Variants in GABRP observed in about 807,000 individuals in gnomAD.
The protein encoded by GABRP is gamma-aminobutyric acid type A receptor subunit pi.
A neutral mutation model predicts 47.8 loss-of-function variants in GABRP; 52 were observed. That is an observed-to-expected ratio of 1.09 (90% CI 0.87 to 1.37). The LOEUF is 1.37. Ranked by LOEUF, GABRP falls within the 40% of genes most tolerant of loss-of-function variation. The pLI, the probability that GABRP is intolerant of heterozygous loss-of-function variation, is 0.00. For missense variants in GABRP, 525 were observed against 542.8 expected (o/e 0.97, Z 0.33); for synonymous variants, 221 against 205.8 (o/e 1.07, Z -0.63).
intron 3 of GABRP, among the ~76,000 whole-genome samples, chr5:170,790,974 C>G (rs190947682): frequency 6.6e-6 from 1 of 152,212 alleles, no homozygotes; most frequent in African/African-American, 2.4e-5. Flanking sequence ...CATTAAAGAA[C>G]CTAAAGAGGC....
chr5:170,790,623 G>C (rs560676600), intron 3 of GABRP, among the ~76,000 whole-genome samples: 1 of 152,070 alleles, frequency 6.6e-6, no homozygotes, highest in Non-Finnish European at 1.5e-5. Context: ...TCTGGCCTCA[G>C]GGAAGGAGAG....
chr5:170,789,460 C>G (rs1012025802), intron 3 of GABRP, among the ~76,000 whole-genome samples: 3 of 152,188 alleles, frequency 2.0e-5, no homozygotes, highest in African/African-American at 7.2e-5. Context: ...AAGGAATGCT[C>G]CTTCTCACTG....
chr5:170,800,928 A>C (rs1273414698), intron 6 of GABRP, among the ~76,000 whole-genome samples: 3 of 152,248 alleles, frequency 2.0e-5, no homozygotes, highest in Non-Finnish European at 4.4e-5. Context: ...CCTGGGCAAC[A>C]AGAACAAGAC....
At chr5:170,808,527 G>A in intron 7 of GABRP, 73 bp from the exon 8 acceptor site, 1 of 1,296,242 alleles carries the variant, frequency 7.7e-7, no homozygotes, top group Admixed American at 1.8e-5. Flanking sequence ...TGTACATATA[G>A]TTAAGCATCC....
At chr5:170,809,138 C>T (rs911663459) in intron 8 of GABRP, among the ~76,000 whole-genome samples, 1 of 152,028 alleles carries the variant, frequency 6.6e-6, no homozygotes, top group Non-Finnish European at 1.5e-5. Flanking sequence ...GGTTTCACCA[C>T]GTTGCCCAGG....
chr5:170,804,190 A>G (rs201730442), intron 6 of GABRP, among the ~76,000 whole-genome samples: 1 of 6,594 alleles, frequency 1.5e-4, no homozygotes, highest in Non-Finnish European at 2.3e-4. Flanking sequence ...GTATGCATAT[A>G]TATATATATA....
chr5:170,810,444 G>T (rs527663974), intron 9 of GABRP, among the ~76,000 whole-genome samples: 1 of 152,014 alleles, frequency 6.6e-6, no homozygotes, highest in Non-Finnish European at 1.5e-5. Flanking sequence ...GAGACTTACC[G>T]CAGGGGATAT....
intron 6 of GABRP, among the ~76,000 whole-genome samples, chr5:170,798,158 C>T (rs1170246420): frequency 2.0e-5 from 3 of 152,236 alleles, no homozygotes; most frequent in Non-Finnish European, 2.9e-5. Context: ...TCTCCTGCCT[C>T]AGCCTCCCAA....
intron 7 of GABRP, among the ~76,000 whole-genome samples, chr5:170,807,770 G>GT: frequency 6.6e-6 from 1 of 152,104 alleles, no homozygotes; most frequent in East Asian, 1.9e-4. Context: ...TATGTCTGTT[G>GT]TTTTTTTAAT....
intron 6 of GABRP, among the ~76,000 whole-genome samples, chr5:170,800,072 T>C (rs1278264535): frequency 6.6e-6 from 1 of 152,174 alleles, no homozygotes; most frequent in Non-Finnish European, 1.5e-5. Context: ...GGAGGCATCA[T>C]GCTACCTGAC....
At chr5:170,806,764 T>G (rs759290128) in intron 7 of GABRP, among the ~76,000 whole-genome samples, 16 of 152,092 alleles carry the variant, frequency 1.1e-4, no homozygotes, top group African/African-American at 1.9e-4. Flanking sequence ...TAGTTGAGCC[T>G]AGGTGACATT....
intron 7 of GABRP, 72 bp from the exon 8 acceptor site, chr5:170,808,528 T>C (rs1277825480): frequency 7.6e-7 from 1 of 1,321,894 alleles, no homozygotes; most frequent in Non-Finnish European, 1.1e-6. Flanking sequence ...GTACATATAG[T>C]TAAGCATCCC....
At position 170,789,189 on chromosome 5, in the gene GABRP, G is replaced by A; in HGVS notation, c.114G>A (p.Leu38=). ...VEVGRSDKLS[L]PGFENLTAGY... is the part of the protein sequence containing the mutation. ...TCGGCAGAAGTGACAAGCTTTCCCTGCCTGGCTTTGAGAACCTCACAGCAG... is the reference window on the plus strand; with the variant it reads ...TCGGCAGAAGTGACAAGCTTTCCCTACCTGGCTTTGAGAACCTCACAGCAG... Residue 38 remains leucine, a synonymous_variant, in exon 3 of 10, where the codon CTG becomes CTA. Transcript: ENST00000265294. 6.2e-7 allele frequency: 1 copy of A among 1,614,180 alleles called. No homozygotes were observed. Among genetic ancestry groups the A allele is most frequent in the East Asian group, 2.2e-5 (1 of 44,878 alleles).
At chr5:170,798,954 ACCCTTCCTGTGTTC>A (rs1157118900) in intron 6 of GABRP, among the ~76,000 whole-genome samples, 1 of 59,726 alleles carries the variant, frequency 1.7e-5, no homozygotes, top group Non-Finnish European at 3.2e-5. Flanking sequence ...CCCTCCCCAC[ACCCTTCCTGTGTTC>A]CCCTTCCTGT....
intron 8 of GABRP, 130 bp downstream of exon 8, chr5:170,808,882 C>A: frequency 1.3e-6 from 1 of 764,036 alleles, no homozygotes; most frequent in Non-Finnish European, 2.1e-6. Flanking sequence ...GATTCTTTTA[C>A]AGAGAAAGAA....
chr5:170,802,279 C>T (rs921301544), intron 6 of GABRP, among the ~76,000 whole-genome samples: 9 of 152,164 alleles, frequency 5.9e-5, no homozygotes, highest in African/African-American at 1.9e-4. Context: ...AACAACATTG[C>T]AGATATGATT....
rs371445196 is a variant in GABRP at position 170,811,906 on chromosome 5, T to C, written c.1021-50T>C. The stretch of plus-strand genomic sequence containing the variant: ...TTTATTAGCTCATTACCTACTTATT[T>C]ATTTTGCTGAGTCAAGTCTTTTAAG... On this transcript the variant is annotated intron_variant, in intron 9 of 9. Coordinates refer to ENST00000265294, the MANE Select transcript of GABRP (RefSeq NM_014211.3). 3.9e-6 allele frequency: 6 copies of C among 1,529,080 alleles called. No individual in the cohort carries two copies. The African/African-American group carries it at 8.3e-5, about 21-fold the overall frequency. The allele number at this position is 1,529,080 out of a possible 1,614,324, so 94.7% of individuals were successfully genotyped here. A position where few individuals can be genotyped will look rare whatever the true frequency, so the allele number is the denominator to read the frequency against.
Position 170,789,247 on chromosome 5 carries a change from G to T in GABRP, c.172G>T (p.Gly58Ter). 6.3e-7 allele frequency: 1 copy of T among 1,594,392 alleles called. No homozygotes were observed. Among genetic ancestry groups the T allele is most frequent in the Non-Finnish European group, 8.6e-7 (1 of 1,162,352 alleles). Residue 58 changes from glycine to a stop codon, truncating the protein, a stop_gained and splice_region_variant, in exon 3 of 10, where the codon GGA (glycine) becomes TGA (stop). Transcript: ENST00000265294. LOFTEE classifies it high-confidence loss of function. ...CAAATTTCTCAGGCCCAATTTTGGT[G>T]GTAGGTCATCCTCTGTGTCCAGGAC... ...YNKFLRPNFG[G>*]EPVQIALTLD...
chr5:170,785,192 T>C (rs1765096896), intron 1 of GABRP, among the ~76,000 whole-genome samples: 1 of 152,150 alleles, frequency 6.6e-6, no homozygotes, highest in South Asian at 2.1e-4. Flanking sequence ...CAACACTCCA[T>C]CCCCCAGATG....
Sources: gnomAD v4.1 joint callset for allele counts (sites outside exome capture counted in the v4.1 genomes callset) on GRCh38, gnomAD v4.1.1 for gene constraint, MANE v1.5 for transcripts, NCBI Gene and HGNC (gene_info 2026-07-23, HGNC 2026-07-21) for gene names.